Variants in RIN2 observed in about 807,000 individuals in gnomAD.
RIN2 encodes the protein Ras and Rab interactor 2, also known as RAB5 interacting protein 2.
Under a neutral mutation model 78.0 loss-of-function variants are expected in RIN2, and 36 were observed. That is an observed-to-expected ratio of 0.46 (90% CI 0.35 to 0.61). The LOEUF (loss-of-function observed/expected upper bound fraction) is 0.61, where lower values mean the gene tolerates loss of function less well. Ranked by LOEUF, RIN2 falls within the 20% of genes least tolerant of loss-of-function variation. The probability of loss-of-function intolerance (pLI) is 0.00; values close to 1 mark genes in which losing one functional copy is unlikely to be tolerated. For synonymous variants in RIN2, 466 were observed against 466.8 expected, an observed-to-expected ratio of 1.00 and a Z score of 0.02; for missense variants, 1,087 against 1,159.7, an observed-to-expected ratio of 0.94 and a Z score of 0.91.
At chr20:19,808,617 C>T (rs1429689693) in intron 2 of RIN2, among the ~76,000 whole-genome samples, 2 of 152,230 alleles carry the variant, frequency 1.3e-5, no homozygotes, top group African/African-American at 4.8e-5. Flanking sequence ...TTGGTGGGCC[C>T]CTGTTTGTGT....
At chr20:19,898,647 TCTCC>T (rs1010326761) in intron 3 of RIN2, among the ~76,000 whole-genome samples, 11 of 152,332 alleles carry the variant, frequency 7.2e-5, no homozygotes, top group Admixed American at 2.0e-4. Context: ...CCTTTGGTGT[TCTCC>T]CTTTTTACAG....
At chr20:19,768,619 T>A (rs1274272603) in intron 1 of RIN2, among the ~76,000 whole-genome samples, 1 of 152,222 alleles carries the variant, frequency 6.6e-6, no homozygotes, top group Non-Finnish European at 1.5e-5. Flanking sequence ...CCTGTTCTCA[T>A]CCTCACACAG....
chr20:19,838,986 C>T (rs2036501391), intron 2 of RIN2, among the ~76,000 whole-genome samples: 1 of 152,150 alleles, frequency 6.6e-6, no homozygotes, highest in South Asian at 2.1e-4. Flanking sequence ...TTAAATCCAT[C>T]CATGAGTGGA....
At chr20:19,938,245 G>A (rs1433276544) in intron 4 of RIN2, among the ~76,000 whole-genome samples, 2 of 152,126 alleles carry the variant, frequency 1.3e-5, no homozygotes, top group African/African-American at 4.8e-5. Context: ...TTGAGACAGA[G>A]TCTCACTCTG....
intron 4 of RIN2, among the ~76,000 whole-genome samples, chr20:19,947,183 C>G (rs1600901713): frequency 6.6e-6 from 1 of 152,026 alleles, no homozygotes; most frequent in African/African-American, 2.4e-5. Flanking sequence ...TTGTCAGTTT[C>G]TAACAACATT....
chr20:19,790,250 C>T (rs2034846204), intron 1 of RIN2, among the ~76,000 whole-genome samples: 1 of 152,128 alleles, frequency 6.6e-6, no homozygotes, highest in Admixed American at 6.5e-5. Context: ...AATAATCATA[C>T]ACCCACCGAC....
At chr20:19,989,346 T>C (rs993368826) in intron 9 of RIN2, among the ~76,000 whole-genome samples, 1 of 149,546 alleles carries the variant, frequency 6.7e-6, no homozygotes, top group African/African-American at 2.5e-5. Flanking sequence ...CAATCTTGGC[T>C]CACTGCAACC....
At chr20:19,836,705 A>G (rs576112481) in intron 2 of RIN2, among the ~76,000 whole-genome samples, 5 of 152,144 alleles carry the variant, frequency 3.3e-5, no homozygotes, top group African/African-American at 9.6e-5. Context: ...ATTCTCATCT[A>G]TTTAATTTTT....
chr20:19,844,037 C>G (rs1298740289), intron 2 of RIN2, among the ~76,000 whole-genome samples: 2 of 152,116 alleles, frequency 1.3e-5, no homozygotes, highest in South Asian at 4.1e-4. Context: ...AAGAATAAAT[C>G]TTTAATTTCA....
intron 6 of RIN2, among the ~76,000 whole-genome samples, chr20:19,963,528 G>A (rs1333386202): frequency 4.0e-5 from 6 of 151,170 alleles, no homozygotes; most frequent in Admixed American, 2.0e-4. Flanking sequence ...AGAATCGCTT[G>A]AACCCGGGAG....
rs74605559 is a variant in RIN2 at position 19,991,284 on chromosome 20, A to G, written c.2069-884A>G. On this transcript the variant is annotated intron_variant, in intron 10 of 12. Transcript: ENST00000255006. ...CAAGCATATTTCACATATAGGAAACATATTTTCTATAGTTCACAGTTATTT... is the reference window on the plus strand; with the variant it reads ...CAAGCATATTTCACATATAGGAAACGTATTTTCTATAGTTCACAGTTATTT... Among the ~76,000 whole-genome samples, 473 of 152,304 alleles carry G rather than the reference A, an allele frequency of 3.1e-3. 1 individual carries two copies. The highest frequency in any genetic ancestry group is 0.011 in the African/African-American group (448 of 41,560).
chr20:19,950,683 A>G (rs951150102), intron 4 of RIN2, among the ~76,000 whole-genome samples: 4 of 152,048 alleles, frequency 2.6e-5, no homozygotes, highest in African/African-American at 9.7e-5. Context: ...GCATAATAAA[A>G]TTATCACACT....
intron 1 of RIN2, among the ~76,000 whole-genome samples, chr20:19,794,966 G>A (rs1350007734): frequency 6.6e-6 from 1 of 152,210 alleles, no homozygotes; most frequent in Non-Finnish European, 1.5e-5. Context: ...GTTGTCTTTA[G>A]AGAAACTCTA....
In RIN2 at chr20:19,984,408, A is replaced by G. The variant is rs564858232; in HGVS notation, c.1763-5598A>G. On this transcript the variant is annotated intron_variant, in intron 9 of 12. Transcript: ENST00000255006. The stretch of plus-strand genomic sequence containing the variant: ...GAACAGTGTAGGCAACTGTAACACA[A>G]TGCTCAGTATCTATATATCTAAACA... Among the ~76,000 whole-genome samples, 4 of 152,304 alleles carry G rather than the reference A, an allele frequency of 2.6e-5. No homozygotes were observed. In the East Asian group the frequency reaches 7.7e-4, roughly 29 times the overall value.
At chr20:19,990,659 G>T (rs1297831800) in intron 10 of RIN2, among the ~76,000 whole-genome samples, 1 of 151,858 alleles carries the variant, frequency 6.6e-6, no homozygotes. Context: ...AATCAACCTT[G>T]CACGCTGTAG....
Position 19,844,602 on chromosome 20 carries a change from T to TC in RIN2, c.-37+44856dup, listed in dbSNP as rs1555832171. On this transcript the variant is annotated intron_variant, in intron 2 of 12. Transcript: ENST00000255006. ...TGCTGCTGCTGCTGCTGCTTCTTCC[T>TC]CTTCTTCTTCTTCTTCTTCTTCTTC... is the stretch of plus-strand genomic sequence containing the variant. 4.2e-3 allele frequency among the ~76,000 whole-genome samples: 66 copies of TC among 15,552 alleles called. No individual in the cohort carries two copies. The East Asian group carries it at 0.072, about 17-fold the overall frequency. The allele number at this position is 15,552 out of a possible 152,430, so 10.2% of individuals were successfully genotyped here. A position where few individuals can be genotyped will look rare whatever the true frequency, so the allele number is the denominator to read the frequency against.
intron 2 of RIN2, among the ~76,000 whole-genome samples, chr20:19,820,874 C>T (rs1429413738): frequency 6.6e-6 from 1 of 152,230 alleles, no homozygotes; most frequent in Non-Finnish European, 1.5e-5. Context: ...ACCTAATTTA[C>T]AGCATTTGCT....
intron 2 of RIN2, among the ~76,000 whole-genome samples, chr20:19,850,939 A>T (rs930569817): frequency 1.3e-5 from 2 of 151,670 alleles, no homozygotes; most frequent in Non-Finnish European, 2.9e-5. Flanking sequence ...GTGCCACTGC[A>T]CTCCAGCCTG....
At chr20:19,878,936 C>T (rs2037937555) in intron 2 of RIN2, among the ~76,000 whole-genome samples, 1 of 152,202 alleles carries the variant, frequency 6.6e-6, no homozygotes, top group African/African-American at 2.4e-5. Flanking sequence ...GCTAACCACA[C>T]CTGCCCTGTC....
Sources: allele counts gnomAD v4.1 joint callset (sites outside exome capture counted in the v4.1 genomes callset), GRCh38; gene constraint gnomAD v4.1.1; transcripts MANE v1.5; gene names NCBI Gene and HGNC (gene_info 2026-07-23, HGNC 2026-07-21).